The following EXOC4 variants were observed in gnomAD, a reference collection of about 807,000 sequenced individuals.
The protein encoded by EXOC4 is SEC8-like 1.
In EXOC4, 71 loss-of-function variants were observed where a neutral mutation model predicts 107.2. The observed-to-expected ratio is 0.66, with a 90% CI of 0.55 to 0.81. The LOEUF is 0.81. Ranked by LOEUF, EXOC4 falls within the 30% of genes least tolerant of loss-of-function variation. EXOC4 has a pLI of 0.00. For missense variants in EXOC4, 1,108 were observed against 1,189.6 expected (o/e 0.93, Z 1.01); for synonymous variants, 456 against 441.2 (o/e 1.03, Z -0.42).
At chr7:133,604,687 T>TTTCCTTCCTTCCTTCCTTCCTTCCTTCC (rs1335117999) in intron 9 of EXOC4, among the ~76,000 whole-genome samples, 30 of 148,348 alleles carry the variant, frequency 2.0e-4, no homozygotes, top group African/African-American at 6.9e-4. Flanking sequence ...TTTCTTTTTC[T>TTTCCTTCCTTCCTTCCTTCCTTCCTTCC]TTCCTTCCTT....
In EXOC4 at chr7:133,343,299, G is replaced by A. The variant is rs184731064; in HGVS notation, c.764-13031G>A. 3.2e-4 allele frequency among the ~76,000 whole-genome samples: 49 copies of A among 152,146 alleles called. 1 individual carries two copies. Among genetic ancestry groups the A allele is most frequent in the Admixed American group, 2.7e-3 (42 of 15,286 alleles). On this transcript the variant is annotated intron_variant, in intron 5 of 17. Transcript: ENST00000253861. ...GCTGTGATTGTTATTGCTCTTCTGG[G>A]TCTGGCCACCCAGCAGAGCTACTAG...
rs563218978 is a variant in EXOC4 at position 133,535,598 on chromosome 7, A to C, written c.1417+55460A>C. Among the ~76,000 whole-genome samples, 5 of 152,324 alleles carry C rather than the reference A, an allele frequency of 3.3e-5. No individual in the cohort carries two copies. The South Asian group carries it at 1.0e-3, about 32-fold the overall frequency. ...TTGCATGCAGACCAAGAGCAGCCTG[A>C]GTAATCAGGACTCTGGTACTGTTTT... On this transcript the variant is annotated intron_variant, in intron 9 of 17. Transcript: ENST00000253861.
intron 12 of EXOC4, among the ~76,000 whole-genome samples, chr7:133,906,782 G>T (rs10225454): frequency 6.6e-6 from 1 of 151,938 alleles, no homozygotes; most frequent in Non-Finnish European, 1.5e-5. Context: ...TCCACCAAGG[G>T]GCCTATTGCC....
intron 10 of EXOC4, among the ~76,000 whole-genome samples, chr7:133,699,507 T>C (rs78272928): frequency 0.016 from 2,366 of 152,288 alleles, 57 homozygotes; most frequent in African/African-American, 0.054. Flanking sequence ...AGTAGTTGTT[T>C]AGCATCAGTT....
At chr7:133,837,594 G>A (rs1245893728) in intron 11 of EXOC4, among the ~76,000 whole-genome samples, 4 of 152,140 alleles carry the variant, frequency 2.6e-5, no homozygotes, top group Admixed American at 2.6e-4. Context: ...TTTGGAGGCA[G>A]AAGGTAACAA....
At chr7:133,323,671 CT>C (rs1395448851) in intron 5 of EXOC4, among the ~76,000 whole-genome samples, 1 of 152,042 alleles carries the variant, frequency 6.6e-6, no homozygotes, top group Non-Finnish European at 1.5e-5. Context: ...CTAAAATTCT[CT>C]TTTTTTGTTG....
At chr7:133,403,990 C>G (rs1308249691) in intron 7 of EXOC4, among the ~76,000 whole-genome samples, 1 of 152,196 alleles carries the variant, frequency 6.6e-6, no homozygotes, top group East Asian at 1.9e-4. Context: ...ACTGGTCTCT[C>G]TCCCTGGCTC....
At chr7:134,042,469 C>T (rs1795541866) in intron 17 of EXOC4, among the ~76,000 whole-genome samples, 1 of 135,386 alleles carries the variant, frequency 7.4e-6, no homozygotes, top group Non-Finnish European at 1.6e-5. Flanking sequence ...TGACACAGAG[C>T]ATGCTAGGAA....
chr7:133,959,901 T>G (rs1800903059), intron 14 of EXOC4, among the ~76,000 whole-genome samples: 1 of 152,184 alleles, frequency 6.6e-6, no homozygotes, highest in Non-Finnish European at 1.5e-5. Flanking sequence ...TACGGACGTT[T>G]TCAGACATAC....
intron 10 of EXOC4, among the ~76,000 whole-genome samples, chr7:133,734,910 G>A (rs911123667): frequency 6.6e-6 from 1 of 151,724 alleles, no homozygotes. Context: ...TTCATTGTCT[G>A]TATATCGTAA....
At chr7:133,874,271 G>T (rs1416707367) in intron 11 of EXOC4, among the ~76,000 whole-genome samples, 1 of 152,172 alleles carries the variant, frequency 6.6e-6, no homozygotes, top group Non-Finnish European at 1.5e-5. Context: ...TTGCCCAGTG[G>T]TGCATTTTGT....
In EXOC4 at chr7:133,694,330, T is replaced by C. The variant is rs1794487003; in HGVS notation, c.1514+64189T>C. On this transcript the variant is annotated intron_variant, in intron 10 of 17. Coordinates refer to ENST00000253861, the MANE Select transcript of EXOC4 (RefSeq NM_021807.4). ...CCTATGGAAGCAGAAACACTGAATG[T>C]TGGGCCCTGAAATCTGCATTTTTAA... 2.0e-5 allele frequency among the ~76,000 whole-genome samples: 3 copies of C among 151,886 alleles called. No homozygotes were observed. In the South Asian group the frequency reaches 6.2e-4, roughly 32 times the overall value.
intron 17 of EXOC4, among the ~76,000 whole-genome samples, chr7:134,035,392 G>A (rs1795366674): frequency 6.6e-6 from 1 of 152,118 alleles, no homozygotes; most frequent in African/African-American, 2.4e-5. Flanking sequence ...GTAAAAGTGG[G>A]AGTAGGCAGG....
chr7:133,971,339 TATATATATATATATATATATATAG>T (rs1436275662), intron 14 of EXOC4, among the ~76,000 whole-genome samples: 1 of 79,642 alleles, frequency 1.3e-5, no homozygotes, highest in Admixed American at 1.3e-4. Context: ...AATGTGTATA[TATATATATATATATATATATATAG>T]AGAGAGAGAG....
At chr7:133,783,806 G>C (rs957584990) in intron 10 of EXOC4, among the ~76,000 whole-genome samples, 1 of 152,136 alleles carries the variant, frequency 6.6e-6, no homozygotes, top group African/African-American at 2.4e-5. Flanking sequence ...ACAGATTTGG[G>C]GCTGTGATGC....
chr7:133,793,591 C>A (rs1056365972), intron 10 of EXOC4, among the ~76,000 whole-genome samples: 1 of 152,112 alleles, frequency 6.6e-6, no homozygotes, highest in African/African-American at 2.4e-5. Context: ...ACACCTGTAA[C>A]CCTAACACTT....
intron 10 of EXOC4, among the ~76,000 whole-genome samples, chr7:133,807,448 T>TA (rs1040558377): frequency 2.0e-5 from 3 of 152,210 alleles, no homozygotes; most frequent in African/African-American, 7.2e-5. Flanking sequence ...TGTCTTGCAT[T>TA]AGAGTCTCTG....
chr7:133,590,847 G>A (rs1241184050), intron 9 of EXOC4, among the ~76,000 whole-genome samples: 20 of 152,176 alleles, frequency 1.3e-4, no homozygotes, highest in Admixed American at 1.3e-3. Context: ...GATACAGAGG[G>A]CTGTCACACT....
chr7:133,540,058 G>A (rs1480161667), intron 9 of EXOC4, among the ~76,000 whole-genome samples: 1 of 152,060 alleles, frequency 6.6e-6, no homozygotes, highest in African/African-American at 2.4e-5. Flanking sequence ...AACCTGGGAG[G>A]AGCAGTTCGC....
Sources: gnomAD v4.1 joint callset for allele counts (sites outside exome capture counted in the v4.1 genomes callset) on GRCh38, gnomAD v4.1.1 for gene constraint, MANE v1.5 for transcripts, NCBI Gene and HGNC (gene_info 2026-07-23, HGNC 2026-07-21) for gene names.